Variants in POLR3A observed in about 807,000 individuals in gnomAD.
POLR3A encodes RNA polymerase III subunit A.
In POLR3A, 112 loss-of-function variants were observed where a neutral mutation model predicts 152.8. The ratio of observed to expected loss-of-function variants is 0.73; its 90% CI spans 0.63 to 0.86. The LOEUF (loss-of-function observed/expected upper bound fraction) is 0.86, where lower values mean the gene tolerates loss of function less well. Among genes scored for constraint, POLR3A ranks in the 40% least tolerant of loss-of-function variants. POLR3A has a pLI of 0.00. For synonymous variants in POLR3A, 615 were observed against 652.1 expected (o/e 0.94, Z 0.87); for missense variants, 1,385 against 1,743.1 (o/e 0.79, Z 3.66).
intron 19 of POLR3A, 37 bp downstream of exon 19, chr10:77,999,944 T>G (rs377307263): frequency 6.3e-7 from 1 of 1,598,614 alleles, no homozygotes; most frequent in Non-Finnish European, 8.6e-7. Context: ...AGCTCTGTCC[T>G]GCTCTGTTGC....
chr10:78,015,305 C>T (rs1026931632), intron 10 of POLR3A, among the ~76,000 whole-genome samples: 10 of 152,150 alleles, frequency 6.6e-5, no homozygotes, highest in African/African-American at 2.4e-4. Flanking sequence ...ACCATTCTTT[C>T]TACTTTAGTG....
chr10:78,027,515 T>A (rs576697503), intron 1 of POLR3A, among the ~76,000 whole-genome samples: 2 of 151,952 alleles, frequency 1.3e-5, no homozygotes, highest in African/African-American at 4.8e-5. Flanking sequence ...AAAAATTTGC[T>A]AGGCGTGATG....
rs1321568173 is a variant in POLR3A, at chr10:78,026,314, C to G, written c.45-85G>C. 11 of 1,388,932 alleles carry G rather than the reference C, an allele frequency of 7.9e-6. No homozygotes were observed. The East Asian group carries it at 2.3e-4, about 29-fold the overall frequency. The allele number at this position is 1,388,932 out of a possible 1,614,324, so 86.0% of individuals were successfully genotyped here. ...ACATACATAGCCCACCATAACCAAC[C>G]TATCCTTCCAACTGTCTCCACTGGC... is the stretch of plus-strand genomic sequence containing the variant. On this transcript the variant is annotated intron_variant, in intron 1 of 30. Coordinates refer to ENST00000372371, the MANE Select transcript of POLR3A (RefSeq NM_007055.4).
intron 10 of POLR3A, among the ~76,000 whole-genome samples, chr10:78,017,065 A>C (rs1847531420): frequency 6.6e-6 from 1 of 152,112 alleles, no homozygotes; most frequent in Non-Finnish European, 1.5e-5. Flanking sequence ...AAGCTTACTA[A>C]AAGGAAGCTT....
At chr10:77,984,050 T>C in intron 25 of POLR3A, 38 bp from the exon 26 acceptor site, 2 of 1,459,440 alleles carry the variant, frequency 1.4e-6, no homozygotes, top group Non-Finnish European at 1.9e-6. Flanking sequence ...ATCAGCCGCT[T>C]TCCCCTTTCC....
chr10:78,009,594 G>A lies in POLR3A; in HGVS notation c.1852C>T (p.Arg618Ter), dbSNP rs140675021. ...CCACAGTACTGCTTGCCCTTGGTTC[G>A]CAGGTTGGCCCTCACTGGATTGTCA... ...SDDNPVRANL[R>*]TKGKQYCGKG... Residue 618 changes from arginine to a stop codon, truncating the protein, a stop_gained, in exon 14 of 31, where the codon CGA becomes TGA. Coordinates refer to ENST00000372371, the MANE Select transcript of POLR3A (RefSeq NM_007055.4). LOFTEE classifies it high-confidence loss of function. The A allele has an allele frequency of 3.7e-6, 6 of 1,614,144 alleles. No individual in the cohort carries two copies. The highest frequency in any genetic ancestry group is 1.1e-5 in the South Asian group (1 of 91,084).
intron 29 of POLR3A, 75 bp from the exon 30 acceptor site, chr10:77,980,348 T>G: frequency 7.1e-7 from 1 of 1,409,906 alleles, no homozygotes; most frequent in Non-Finnish European, 1.0e-6. Context: ...ACGGTGCACC[T>G]TCAATACAAT....
At chr10:77,997,137 A>C (rs1214173356) in intron 19 of POLR3A, among the ~76,000 whole-genome samples, 1 of 152,160 alleles carries the variant, frequency 6.6e-6, no homozygotes, top group Admixed American at 6.6e-5. Flanking sequence ...ACTCTCAATA[A>C]ATTAGGTATT....
chr10:77,982,855 T>C (rs190484862), intron 26 of POLR3A, 38 bp from the exon 27 acceptor site: 1 of 1,604,506 alleles, frequency 6.2e-7, no homozygotes, highest in Non-Finnish European at 8.5e-7. Flanking sequence ...CTGATTCCAG[T>C]GTTGTTCTTC....
In POLR3A at chr10:78,010,550, A is replaced by T. The variant is rs1847457382; in HGVS notation, c.1573-10T>A. Reference sequence around the variant, plus strand: ...CAAGATTTGCTTTAGTCTGTAGGAAAAGTAAGCGCAGTCAGTTAGCTGTTC... The same window carrying T: ...CAAGATTTGCTTTAGTCTGTAGGAATAGTAAGCGCAGTCAGTTAGCTGTTC... On this transcript the variant is annotated splice_polypyrimidine_tract_variant and intron_variant, in intron 11 of 30. Coordinates refer to ENST00000372371, the MANE Select transcript of POLR3A (RefSeq NM_007055.4). 2 of 1,609,464 alleles carry T rather than the reference A, an allele frequency of 1.2e-6. No homozygotes were observed. The highest frequency in any genetic ancestry group is 4.5e-5 in the East Asian group (2 of 44,860).
chr10:77,991,771 C>T (rs993920193), intron 20 of POLR3A, among the ~76,000 whole-genome samples: 9 of 152,068 alleles, frequency 5.9e-5, no homozygotes, highest in Non-Finnish European at 7.3e-5. Flanking sequence ...GTGATATGAC[C>T]GCCTCAGCCT....
chr10:77,979,532 GCA>G (rs1847120107), intron 30 of POLR3A, among the ~76,000 whole-genome samples: 1 of 152,344 alleles, frequency 6.6e-6, no homozygotes, highest in South Asian at 2.1e-4. Context: ...CCCCAGGCCA[GCA>G]CAGCCCCATA....
chr10:78,001,287 G>A (rs554588062), intron 17 of POLR3A, among the ~76,000 whole-genome samples, 193 bp from the exon 18 acceptor site: 5 of 152,300 alleles, frequency 3.3e-5, no homozygotes, highest in Non-Finnish European at 5.9e-5. Flanking sequence ...GAACGACGGC[G>A]AGAGGAGCCA....
At position 77,981,394 on chromosome 10, in the gene POLR3A, G is replaced by T. The variant is rs766808387; in HGVS notation, c.3891+34C>A. ...TTCTCCTGAAAGTGAGTTTCGGGAT[G>T]CCCAGGCAGCCCGGGGGCCTCCTGC... On this transcript the variant is annotated intron_variant, in intron 29 of 30. Transcript: ENST00000372371. 2 of 1,609,886 alleles carry T rather than the reference G, an allele frequency of 1.2e-6. 1 individual carries two copies. The highest frequency in any genetic ancestry group is 2.2e-5 in the South Asian group (2 of 91,010).
At chr10:77,983,379 C>CT (rs1320448743) in intron 26 of POLR3A, among the ~76,000 whole-genome samples, 1 of 152,220 alleles carries the variant, frequency 6.6e-6, no homozygotes, top group African/African-American at 2.4e-5. Flanking sequence ...GCTAGTACAG[C>CT]TTTAACTACC....
chr10:77,985,968 C>T lies in POLR3A; in HGVS notation c.3006G>A (p.Gln1002=). 6.2e-7 allele frequency: 1 copy of T among 1,614,124 alleles called. No homozygotes were observed. Among genetic ancestry groups the T allele is most frequent in the Non-Finnish European group, 8.5e-7 (1 of 1,180,006 alleles). ...NGTTEPRVLY[Q]LDRITPTQVE... ...CTTGGGTGGGGGTGATGCGGTCCAG[C>T]TGGTACAGCACACGGGGCTGGGAGA... The change falls in exon 23 of 31, where the codon CAG becomes CAA. Residue 1002 remains glutamine (Q), a synonymous_variant. Coordinates refer to ENST00000372371, the MANE Select transcript of POLR3A (RefSeq NM_007055.4).
At position 78,009,642 on chromosome 10, in the gene POLR3A, T is replaced by C; in HGVS notation, c.1804A>G (p.Ser602Gly). The C allele has an allele frequency of 6.2e-7, 1 of 1,614,180 alleles. No individual in the cohort carries two copies. Among genetic ancestry groups the C allele is most frequent in the Non-Finnish European group, 8.5e-7 (1 of 1,180,044 alleles). ...TCATCGCTAGGCCTGAGGATGACAC[T>C]GAAGATCTGCTTTCCCGTCCACAGG... is the stretch of plus-strand genomic sequence containing the variant. The part of the protein sequence containing the change: ...VTLWTGKQIF[S>G]VILRPSDDNP... Residue 602 changes from serine (S) to glycine (G), a missense_variant, in exon 14 of 31, where the codon AGT (serine) becomes GGT (glycine). Coordinates refer to ENST00000372371, the MANE Select transcript of POLR3A (RefSeq NM_007055.4).
Position 77,981,568 on chromosome 10 carries a change from A to G in POLR3A, c.3760-9T>C, listed in dbSNP as rs1847142598. The G allele has an allele frequency of 3.1e-6, 5 of 1,613,960 alleles. No homozygotes were observed. The East Asian group carries it at 1.1e-4, about 36-fold the overall frequency. On this transcript the variant is annotated splice_polypyrimidine_tract_variant and intron_variant, in intron 28 of 30. Coordinates refer to ENST00000372371, the MANE Select transcript of POLR3A (RefSeq NM_007055.4). ...CCCAGAGTTTTCTCCACCTACAGAG[A>G]GCCAGTAATGAGCAGAAGCAGCCCC...
chr10:78,001,073 T>G lies in POLR3A; in HGVS notation c.2381A>C (p.Gln794Pro), dbSNP rs552353597. 1.1e-4 allele frequency: 170 copies of G among 1,604,492 alleles called. No homozygotes were observed. Residue 794 changes from glutamine to proline, a missense_variant, in exon 18 of 31, where the codon CAG (glutamine) becomes CCG (proline). Gln to Pro is a moderately conservative substitution (Grantham distance 76, BLOSUM62 -1). Coordinates refer to ENST00000372371, the MANE Select transcript of POLR3A (RefSeq NM_007055.4). ...GSKGSFINIS[Q>P]MIACVGQQAI... is the part of the protein sequence containing the mutation. Reference sequence around the variant, plus strand: ...CTGCTGTCCCACACAGGCAATCATCTGTGATATGTTAATGAAGGAACCTGG... The same window carrying G: ...CTGCTGTCCCACACAGGCAATCATCGGTGATATGTTAATGAAGGAACCTGG...
Sources: allele counts gnomAD v4.1 joint callset (sites outside exome capture counted in the v4.1 genomes callset), GRCh38; gene constraint gnomAD v4.1.1; transcripts MANE v1.5; gene names NCBI Gene and HGNC (gene_info 2026-07-23, HGNC 2026-07-21).